CTNNA2: variants seen among roughly 807,000 people sequenced by gnomAD.
CTNNA2 encodes the protein catenin alpha-2.
Under a neutral mutation model 101.0 loss-of-function variants are expected in CTNNA2, and 42 were observed. The observed-to-expected ratio is 0.42, with a 90% CI of 0.32 to 0.54. The LOEUF (loss-of-function observed/expected upper bound fraction) is 0.54, where lower values mean the gene tolerates loss of function less well. Among genes scored for constraint, CTNNA2 ranks in the 20% least tolerant of loss-of-function variants. The pLI, the probability that CTNNA2 is intolerant of heterozygous loss-of-function variation, is 0.14. For synonymous variants in CTNNA2, 450 were observed against 456.4 expected, an observed-to-expected ratio of 0.99 and a Z score of 0.18; for missense variants, 871 against 1,223.1, an observed-to-expected ratio of 0.71 and a Z score of 4.29.
Position 79,606,857 on chromosome 2 carries a change from G to A in CTNNA2, c.-5-44695G>A, listed in dbSNP as rs1287863531. Among the ~76,000 whole-genome samples, 4 of 152,138 alleles carry A rather than the reference G, an allele frequency of 2.6e-5. No homozygotes were observed. In the East Asian group the frequency reaches 7.7e-4, roughly 29 times the overall value. On this transcript the variant is annotated intron_variant, in intron 1 of 18. Coordinates refer to ENST00000402739, the MANE Select transcript of CTNNA2 (RefSeq NM_001282597.3). ...TAAAAAGTATTTAATTCAAAAGAAG[G>A]CAGAAAAAGAGTTTTCAAGGGAACA...
intron 4 of CTNNA2, among the ~76,000 whole-genome samples, chr2:79,477,462 C>T (rs528329403): frequency 2.0e-4 from 31 of 152,288 alleles, no homozygotes; most frequent in Admixed American, 1.8e-3. Context: ...TGAGCCATCA[C>T]ACCCAGCCCA....
At chr2:80,087,483 C>T (rs373467419) in intron 7 of CTNNA2, among the ~76,000 whole-genome samples, 5 of 151,930 alleles carry the variant, frequency 3.3e-5, no homozygotes, top group South Asian at 4.2e-4. Context: ...TGTGTAAATA[C>T]GGGATGGATT....
intron 7 of CTNNA2, among the ~76,000 whole-genome samples, chr2:80,156,701 A>G (rs1704012943): frequency 6.6e-6 from 1 of 152,184 alleles, no homozygotes; most frequent in African/African-American, 2.4e-5. Context: ...CAGCCTCACT[A>G]TCTGCAGACT....
intron 2 of CTNNA2, among the ~76,000 whole-genome samples, chr2:79,229,536 C>A (rs1305447547): frequency 1.3e-5 from 2 of 152,102 alleles, no homozygotes; most frequent in South Asian, 2.1e-4. Context: ...AAACCTTTTT[C>A]TTTTGTAAAT....
At chr2:79,594,167 T>C (rs6760757) in intron 1 of CTNNA2, among the ~76,000 whole-genome samples, 99,112 of 151,198 alleles carry the variant, frequency 0.66, 32,764 homozygotes, top group South Asian at 0.78. Context: ...GGATTACAGG[T>C]GTGAGCCACC....
At chr2:80,540,289 G>C (rs1191383860) in intron 9 of CTNNA2, among the ~76,000 whole-genome samples, 1 of 152,096 alleles carries the variant, frequency 6.6e-6, no homozygotes, top group East Asian at 1.9e-4. Flanking sequence ...TTAAAGAACA[G>C]GTTGTTGAAA....
chr2:80,620,282 T>C (rs2149805930), intron 18 of CTNNA2, among the ~76,000 whole-genome samples: 1 of 151,546 alleles, frequency 6.6e-6, no homozygotes, highest in East Asian at 2.0e-4. Context: ...ACATCCCTGG[T>C]TGGCTAGCCA....
At chr2:79,467,256 C>T (rs1216610177) in intron 4 of CTNNA2, among the ~76,000 whole-genome samples, 1 of 152,064 alleles carries the variant, frequency 6.6e-6, no homozygotes, top group Admixed American at 6.6e-5. Context: ...CCGATTTGAT[C>T]AACTGGAAGA....
chr2:79,230,228 CA>C (rs1471019614), intron 2 of CTNNA2, among the ~76,000 whole-genome samples: 1 of 152,208 alleles, frequency 6.6e-6, no homozygotes, highest in Admixed American at 6.5e-5. Flanking sequence ...CCCTTCTCAT[CA>C]CAGGCCCAGA....
chr2:80,233,683 A>C (rs527894684), intron 7 of CTNNA2, among the ~76,000 whole-genome samples: 53 of 152,316 alleles, frequency 3.5e-4, no homozygotes, highest in African/African-American at 1.2e-3. Context: ...AGTGATGACA[A>C]TTAGCAGTCA....
At chr2:80,626,113 G>A (rs1671657226) in intron 18 of CTNNA2, among the ~76,000 whole-genome samples, 1 of 151,856 alleles carries the variant, frequency 6.6e-6, no homozygotes, top group Non-Finnish European at 1.5e-5. Context: ...ATATAAATAT[G>A]AAATATTTTA....
intron 12 of CTNNA2, among the ~76,000 whole-genome samples, chr2:80,569,985 C>T (rs1237883167): frequency 6.6e-6 from 1 of 151,906 alleles, no homozygotes; most frequent in Non-Finnish European, 1.5e-5. Context: ...AATTAATAGT[C>T]AACCTAACAT....
intron 3 of CTNNA2, among the ~76,000 whole-genome samples, chr2:79,794,981 C>T (rs1248253587): frequency 6.6e-6 from 1 of 152,170 alleles, no homozygotes; most frequent in Non-Finnish European, 1.5e-5. Context: ...AACTGGAGGC[C>T]TACCTACTAT....
chr2:80,374,767 G>A (rs1421390073), intron 7 of CTNNA2, among the ~76,000 whole-genome samples: 1 of 151,174 alleles, frequency 6.6e-6, no homozygotes, highest in Non-Finnish European at 1.5e-5. Context: ...GGCTGAGATC[G>A]TTAGGACTAA....
intron 7 of CTNNA2, among the ~76,000 whole-genome samples, chr2:80,326,660 A>G (rs1191951512): frequency 6.6e-6 from 1 of 151,056 alleles, no homozygotes; most frequent in East Asian, 1.9e-4. Flanking sequence ...TTAAAAAAAG[A>G]GAGGGGGAGA....
rs183176843 is a variant in CTNNA2 at position 79,603,915 on chromosome 2, A to G, written c.-5-47637A>G. ...TGCAACTGGCATTGGTTAAATGGTG[A>G]GGTCATGTGTGGGCATGAAAGCTCC... is the stretch of plus-strand genomic sequence containing the variant. On this transcript the variant is annotated intron_variant, in intron 1 of 18. Coordinates refer to ENST00000402739, the MANE Select transcript of CTNNA2 (RefSeq NM_001282597.3). 2.6e-3 allele frequency among the ~76,000 whole-genome samples: 392 copies of G among 152,274 alleles called. 4 individuals are homozygous for G. Among genetic ancestry groups the G allele is most frequent in the African/African-American group, 9.0e-3 (376 of 41,556 alleles).
At chr2:79,436,637 CTT>C (rs113274961) in intron 4 of CTNNA2, among the ~76,000 whole-genome samples, 1 of 146,644 alleles carries the variant, frequency 6.8e-6, no homozygotes. Flanking sequence ...ATTAAATATT[CTT>C]TTTTTTTTTT....
intron 1 of CTNNA2, among the ~76,000 whole-genome samples, chr2:79,643,146 G>C (rs1048359313): frequency 6.6e-6 from 1 of 152,018 alleles, no homozygotes; most frequent in Admixed American, 6.6e-5. Flanking sequence ...AGCCTAGATC[G>C]TGCCGCTTCA....
intron 12 of CTNNA2, among the ~76,000 whole-genome samples, chr2:80,567,052 A>G (rs3770319): frequency 6.6e-5 from 10 of 151,442 alleles, no homozygotes; most frequent in Non-Finnish European, 4.4e-5. Context: ...GCACACACCT[A>G]TAAATACATA....
Sources: gnomAD v4.1 joint callset for allele counts (sites outside exome capture counted in the v4.1 genomes callset) on GRCh38, gnomAD v4.1.1 for gene constraint, MANE v1.5 for transcripts, NCBI Gene and HGNC (gene_info 2026-07-23, HGNC 2026-07-21) for gene names.